ROPN1: variants seen among roughly 807,000 people sequenced by gnomAD.
ROPN1 encodes ropporin-1A.
In ROPN1, 14 loss-of-function variants were observed where a neutral mutation model predicts 20.5. That is an observed-to-expected ratio of 0.68 (90% CI 0.45 to 1.07). The LOEUF (loss-of-function observed/expected upper bound fraction) is 1.07, where lower values mean the gene tolerates loss of function less well. Ranked by LOEUF, ROPN1 falls within the 50% of genes least tolerant of loss-of-function variation. The probability of loss-of-function intolerance (pLI) is 0.00; values close to 1 mark genes in which losing one functional copy is unlikely to be tolerated. For missense variants in ROPN1, 169 were observed against 242.8 expected, an observed-to-expected ratio of 0.70 and a Z score of 2.02; for synonymous variants, 76 against 95.7, an observed-to-expected ratio of 0.79 and a Z score of 1.20.
At chr3:123,971,934 G>T (rs1266309301) in intron 4 of ROPN1, among the ~76,000 whole-genome samples, 1 of 152,188 alleles carries the variant, frequency 6.6e-6, no homozygotes, top group Non-Finnish European at 1.5e-5. Flanking sequence ...AATGAAGTTA[G>T]TAGGGTGTCT....
intron 1 of ROPN1, among the ~76,000 whole-genome samples, chr3:123,982,576 G>A (rs1202012818): frequency 6.6e-6 from 1 of 152,156 alleles, no homozygotes; most frequent in East Asian, 1.9e-4. Flanking sequence ...CTTACATCAT[G>A]TATTTAATTT....
In ROPN1 at chr3:123,969,090, G is replaced by C. The variant is rs1372807160; in HGVS notation, c.*65C>G. 3 of 1,336,634 alleles carry C rather than the reference G, an allele frequency of 2.2e-6. No individual in the cohort carries two copies. In the African/African-American group the frequency reaches 4.3e-5, roughly 19 times the overall value. 82.8% of individuals were successfully genotyped at this position (1,336,634 alleles called of 1,614,324 possible). On this transcript the variant is annotated 3_prime_UTR_variant, in exon 6 of 6. Coordinates refer to ENST00000405845, the MANE Select transcript of ROPN1 (RefSeq NM_001317774.2). ...GAAAATTGATTTTGGGTGGTATATG[G>C]GTTTCAGTCATTCTGAAGTACAATC...
At chr3:123,975,791 T>C in intron 3 of ROPN1, 2 of 370,806 alleles carry the variant, frequency 5.4e-6, no homozygotes, top group South Asian at 4.5e-5. Flanking sequence ...TATACATTTA[T>C]ATTACATTTT....
Position 123,969,062 on chromosome 3 carries a change from C to T in ROPN1, c.*93G>A, listed in dbSNP as rs1196156624. 5 of 980,256 alleles carry T rather than the reference C, an allele frequency of 5.1e-6. No individual in the cohort carries two copies. Among genetic ancestry groups the T allele is most frequent in the South Asian group, 2.6e-5 (2 of 77,438 alleles). 60.7% of individuals were successfully genotyped at this position (980,256 alleles called of 1,614,324 possible). On this transcript the variant is annotated 3_prime_UTR_variant, in exon 6 of 6. Coordinates refer to ENST00000405845, the MANE Select transcript of ROPN1 (RefSeq NM_001317774.2). ...TGTTTATTAGTGTGTACCAGTTGTA[C>T]AAGAAAATTGATTTTGGGTGGTATA...
At chr3:123,986,651 G>A (rs890031808) in intron 1 of ROPN1, among the ~76,000 whole-genome samples, 2 of 152,216 alleles carry the variant, frequency 1.3e-5, no homozygotes, top group African/African-American at 4.8e-5. Flanking sequence ...GCAGTCAGTG[G>A]GGGTCAGCAG....
chr3:123,990,286 G>A (rs2038375053), intron 1 of ROPN1, among the ~76,000 whole-genome samples: 1 of 152,144 alleles, frequency 6.6e-6, no homozygotes, highest in Admixed American at 6.5e-5. Flanking sequence ...GGAGGAGGAG[G>A]AAGAAAAGAG....
chr3:123,970,109 C>G lies in ROPN1; in HGVS notation c.505G>C (p.Ala169Pro). 1 of 1,614,140 alleles carries G rather than the reference C, an allele frequency of 6.2e-7. No homozygotes were observed. Among genetic ancestry groups the G allele is most frequent in the Non-Finnish European group, 8.5e-7 (1 of 1,180,022 alleles). Residue 169 changes from alanine (A) to proline (P), a missense_variant, in exon 5 of 6, where the codon GCC becomes CCC. This residue lies in a region of ROPN1 where 82 missense variants were observed against 100.1 expected (regional missense o/e 0.82). Transcript: ENST00000405845. ...STFQFLYTYIAKVDGEISASH... is the reference protein window; with the variant it reads ...STFQFLYTYIPKVDGEISASH... ...GCAGAGATCTCCCCATCCACTTTGGCAATATACGTGTAGAGAAACTGGAAG... is the reference window on the plus strand; with the variant it reads ...GCAGAGATCTCCCCATCCACTTTGGGAATATACGTGTAGAGAAACTGGAAG...
intron 2 of ROPN1, among the ~76,000 whole-genome samples, chr3:123,977,357 T>C (rs1353587534): frequency 2.0e-5 from 3 of 151,818 alleles, no homozygotes; most frequent in Non-Finnish European, 4.4e-5. Flanking sequence ...GGAAGAGAAG[T>C]TGGAAGAGAA....
intron 2 of ROPN1, 28 bp downstream of exon 2, chr3:123,980,337 AG>A: frequency 6.2e-7 from 1 of 1,609,816 alleles, no homozygotes; most frequent in Non-Finnish European, 8.5e-7. Context: ...CCGTCCTCCA[AG>A]GGGTGAAGGC....
chr3:123,977,237 A>T (rs762360975), intron 2 of ROPN1, among the ~76,000 whole-genome samples: 4 of 152,208 alleles, frequency 2.6e-5, no homozygotes, highest in Non-Finnish European at 5.9e-5. Context: ...GAACCAAGAA[A>T]AGTTTGGGTA....
chr3:123,983,252 C>T (rs1352333240), intron 1 of ROPN1, among the ~76,000 whole-genome samples: 1 of 152,032 alleles, frequency 6.6e-6, no homozygotes, highest in Non-Finnish European at 1.5e-5. Flanking sequence ...GTGTTCAAGT[C>T]CTTGCTTTAA....
intron 1 of ROPN1, among the ~76,000 whole-genome samples, chr3:123,988,468 G>T (rs764214790): frequency 2.0e-5 from 3 of 152,094 alleles, no homozygotes; most frequent in Non-Finnish European, 4.4e-5. Context: ...GCTCTGAGGG[G>T]GTGAATGCAC....
chr3:123,984,950 A>G (rs1035286128), intron 1 of ROPN1, among the ~76,000 whole-genome samples: 1 of 152,104 alleles, frequency 6.6e-6, no homozygotes, highest in African/African-American at 2.4e-5. Context: ...GAAAACTTGG[A>G]TATCATCAAA....
At chr3:123,974,286 T>C (rs1419164965) in intron 4 of ROPN1, among the ~76,000 whole-genome samples, 1 of 152,216 alleles carries the variant, frequency 6.6e-6, no homozygotes, top group Non-Finnish European at 1.5e-5. Context: ...TTCCTGTTTG[T>C]GATTTTCCCC....
rs1403583170 is a variant in ROPN1, at chr3:123,982,544, T to C, written c.-12-2051A>G. 5.3e-5 allele frequency among the ~76,000 whole-genome samples: 8 copies of C among 152,128 alleles called. No individual in the cohort carries two copies. The East Asian group carries it at 1.5e-3, about 29-fold the overall frequency. ...TGGATGGTTGCTGTCTAGATGCTTG[T>C]TTCATTATTTTTATACTTCTACTTA... On this transcript the variant is annotated intron_variant, in intron 1 of 5. Transcript: ENST00000405845.
At chr3:123,980,339 G>C (rs753696786) in intron 2 of ROPN1, 27 bp downstream of exon 2, 30 of 1,610,856 alleles carry the variant, frequency 1.9e-5, no homozygotes, top group Non-Finnish European at 2.5e-5. Context: ...GTCCTCCAAG[G>C]GGTGAAGGCG....
intron 1 of ROPN1, among the ~76,000 whole-genome samples, chr3:123,984,566 T>C (rs7614463): frequency 0.13 from 20,230 of 152,174 alleles, 3,267 homozygotes; most frequent in African/African-American, 0.36. Flanking sequence ...CCTGTCCTGT[T>C]CAGTGTGTCC....
intron 4 of ROPN1, among the ~76,000 whole-genome samples, chr3:123,972,544 G>A (rs1465895620): frequency 6.6e-6 from 1 of 152,228 alleles, no homozygotes; most frequent in African/African-American, 2.4e-5. Context: ...TGGAACAGGA[G>A]GTGGCATAGG....
intron 1 of ROPN1, among the ~76,000 whole-genome samples, chr3:123,987,038 CTCTTA>C (rs1357696087): frequency 6.6e-6 from 1 of 152,244 alleles, no homozygotes; most frequent in Non-Finnish European, 1.5e-5. Flanking sequence ...CAGCTAAAGT[CTCTTA>C]TTGGAGCAAG....
Sources: allele counts gnomAD v4.1 joint callset (sites outside exome capture counted in the v4.1 genomes callset), GRCh38; gene constraint gnomAD v4.1.1; regional missense constraint gnomAD v4.1.1; transcripts MANE v1.5; gene names NCBI Gene and HGNC (gene_info 2026-07-23, HGNC 2026-07-21).